Variants in ACTR3B observed in about 807,000 individuals in gnomAD.
ACTR3B encodes the protein actin related protein 3B.
A neutral mutation model predicts 59.0 loss-of-function variants in ACTR3B; 8 were observed. That is an observed-to-expected ratio of 0.14 (90% CI 0.08 to 0.24). ACTR3B has a LOEUF of 0.24. ACTR3B is among the 10% of genes least tolerant of loss of function. The pLI is 1.00. For synonymous variants in ACTR3B, 148 were observed against 197.9 expected, an observed-to-expected ratio of 0.75 and a Z score of 2.12; for missense variants, 245 against 552.3, an observed-to-expected ratio of 0.44 and a Z score of 5.58.
At chr7:152,825,478 A>T (rs1307429366) in intron 9 of ACTR3B, among the ~76,000 whole-genome samples, 2 of 146,550 alleles carry the variant, frequency 1.4e-5, no homozygotes, top group African/African-American at 2.5e-5. Flanking sequence ...CACCCAGCGA[A>T]TTTTTTTTTT....
intron 9 of ACTR3B, among the ~76,000 whole-genome samples, chr7:152,848,325 T>C (rs1312719579): frequency 6.6e-6 from 1 of 152,130 alleles, no homozygotes; most frequent in Admixed American, 6.5e-5. Flanking sequence ...CTGTTTGGGA[T>C]CCCCTGACAT....
Position 152,845,165 on chromosome 7 carries a change from T to A in ACTR3B, c.952-6961T>A, listed in dbSNP as rs186424524. On this transcript the variant is annotated intron_variant, in intron 9 of 11. Transcript: ENST00000256001. ...TTGTCTTTGCTTTGAAGTTTTAATA[T>A]ACATTTATATACAGTATATGCTGGG... Among the ~76,000 whole-genome samples the A allele has an allele frequency of 4.9e-3, 742 of 151,540 alleles. 7 individuals carry two copies. The highest frequency in any genetic ancestry group is 8.1e-3 in the Non-Finnish European group (551 of 67,804).
chr7:152,835,550 T>C (rs1797380652), intron 9 of ACTR3B, among the ~76,000 whole-genome samples: 1 of 152,216 alleles, frequency 6.6e-6, no homozygotes, highest in Non-Finnish European at 1.5e-5. Context: ...AATATGCTGA[T>C]ACAGAGACAC....
intron 9 of ACTR3B, among the ~76,000 whole-genome samples, chr7:152,846,598 A>G (rs1265873488): frequency 1.5e-5 from 2 of 136,524 alleles, no homozygotes; most frequent in African/African-American, 5.6e-5. Context: ...TGTAGTCTGC[A>G]GTGAGCCCCA....
At chr7:152,760,076 C>T (rs886242810) in intron 1 of ACTR3B, 150 bp downstream of exon 1, 13 of 623,872 alleles carry the variant, frequency 2.1e-5, no homozygotes, top group Non-Finnish European at 2.5e-5. Flanking sequence ...CGCCGCTTCC[C>T]TCCAAGCCTT....
chr7:152,826,149 G>A (rs58133161), intron 9 of ACTR3B, among the ~76,000 whole-genome samples: 2,244 of 152,238 alleles, frequency 0.015, 33 homozygotes, highest in African/African-American at 0.035. Context: ...CACCTGTGCC[G>A]TGGAATACTA....
intron 9 of ACTR3B, 75 bp from the exon 10 acceptor site, chr7:152,852,051 G>T: frequency 6.2e-7 from 1 of 1,604,856 alleles, no homozygotes; most frequent in Non-Finnish European, 8.5e-7. Flanking sequence ...ACCTGTGGGA[G>T]TTCTGTTGTG....
At chr7:152,772,866 C>G (rs1465742064) in intron 1 of ACTR3B, among the ~76,000 whole-genome samples, 94 of 152,024 alleles carry the variant, frequency 6.2e-4, no homozygotes, top group African/African-American at 2.0e-3. Context: ...CATGCCATAG[C>G]AAAATTTCCT....
intron 1 of ACTR3B, among the ~76,000 whole-genome samples, chr7:152,769,004 C>T (rs923294087): frequency 7.9e-5 from 12 of 151,662 alleles, no homozygotes; most frequent in Non-Finnish European, 1.6e-4. Context: ...AGGCACCCGC[C>T]ACCATGCCTG....
intron 2 of ACTR3B, among the ~76,000 whole-genome samples, chr7:152,789,246 G>T (rs1193123683): frequency 6.7e-6 from 1 of 149,386 alleles, no homozygotes; most frequent in Non-Finnish European, 1.5e-5. Flanking sequence ...AAATAAATTA[G>T]CTACGTGTAG....
At position 152,760,173 on chromosome 7, in the gene ACTR3B, G is replaced by C. The variant is rs542563186; in HGVS notation, c.44+247G>C. Among the ~76,000 whole-genome samples the C allele has an allele frequency of 1.2e-4, 19 of 152,212 alleles. No homozygotes were observed. In the East Asian group the frequency reaches 3.7e-3, roughly 30 times the overall value. ...AGGGTAGGGACGCGGTGCCCACTCT[G>C]AGCGAGCCCGGCGCTCCTCGCCTCC... On this transcript the variant is annotated intron_variant, in intron 1 of 11. Transcript: ENST00000256001.
In ACTR3B at chr7:152,821,185, G is replaced by T. The variant is rs1590364079; in HGVS notation, c.684+743G>T. Reference sequence around the variant, plus strand: ...CGTGGTCCCTTCCATCTCAGGGGAAGGTTTCCTGAGGTATCATTAGATATT... The same window carrying T: ...CGTGGTCCCTTCCATCTCAGGGGAATGTTTCCTGAGGTATCATTAGATATT... On this transcript the variant is annotated intron_variant, in intron 7 of 11. Transcript: ENST00000256001. Among the ~76,000 whole-genome samples, 4 of 152,242 alleles carry T rather than the reference G, an allele frequency of 2.6e-5. No homozygotes were observed. In the South Asian group the frequency reaches 8.3e-4, roughly 32 times the overall value.
At position 152,852,250 on chromosome 7, in the gene ACTR3B, AG is replaced by A. The variant is rs1288794548; in HGVS notation, c.1077+1del. ...LSEELSGGRIKPKPVEVQVVT... is the reference protein window; with the variant it reads ...LSEELSGGRIXPKPVEVQVVT... ...GAGGAGCTCAGCGGCGGGAGGATCA[AG>A]GTAGGAGCCAGAGGCCTCCACGCAG... On this transcript the variant is annotated frameshift_variant and splice_region_variant, in exon 10 of 12. Transcript: ENST00000256001. LOFTEE classifies it high-confidence loss of function. The A allele has an allele frequency of 6.3e-7, 1 of 1,583,266 alleles. No homozygotes were observed. Among genetic ancestry groups the A allele is most frequent in the East Asian group, 2.4e-5 (1 of 42,064 alleles).
At chr7:152,792,091 C>T (rs565122036) in intron 2 of ACTR3B, among the ~76,000 whole-genome samples, 1 of 152,086 alleles carries the variant, frequency 6.6e-6, no homozygotes, top group Admixed American at 6.6e-5. Flanking sequence ...GGGTTTTCAC[C>T]ATGTTGGCCA....
chr7:152,780,167 A>G (rs2098147248), intron 1 of ACTR3B, among the ~76,000 whole-genome samples: 1 of 152,086 alleles, frequency 6.6e-6, no homozygotes, highest in Admixed American at 6.5e-5. Flanking sequence ...CTTGGCCAAC[A>G]TGGTGAAACC....
chr7:152,813,585 T>C (rs2116816993), intron 4 of ACTR3B: 2 of 152,242 alleles, frequency 1.3e-5, no homozygotes, highest in South Asian at 4.1e-4. Context: ...CAGGTTGGAG[T>C]GCAGTGGCAC....
intron 2 of ACTR3B, among the ~76,000 whole-genome samples, chr7:152,784,416 G>T (rs1306168386): frequency 6.6e-6 from 1 of 152,136 alleles, no homozygotes; most frequent in Non-Finnish European, 1.5e-5. Flanking sequence ...GCGGACTCCA[G>T]ATTCTTTGAG....
chr7:152,828,369 G>A (rs1463683137), intron 9 of ACTR3B, among the ~76,000 whole-genome samples: 1 of 152,088 alleles, frequency 6.6e-6, no homozygotes, highest in African/African-American at 2.4e-5. Flanking sequence ...ATGGACTCTC[G>A]CTGTGTGGGA....
intron 9 of ACTR3B, among the ~76,000 whole-genome samples, chr7:152,850,194 T>C (rs1156469382): frequency 6.7e-6 from 1 of 150,088 alleles, no homozygotes; most frequent in Non-Finnish European, 1.5e-5. Context: ...AGATCACTGG[T>C]GGCTTCTCCA....
Sources: gnomAD v4.1 joint callset for allele counts (sites outside exome capture counted in the v4.1 genomes callset) on GRCh38, gnomAD v4.1.1 for gene constraint, MANE v1.5 for transcripts, NCBI Gene and HGNC (gene_info 2026-07-23, HGNC 2026-07-21) for gene names.